PTPRT: variants seen among roughly 807,000 people sequenced by gnomAD.
PTPRT encodes protein tyrosine phosphatase receptor type T.
PTPRT carries 56 observed loss-of-function variants against 176.8 expected under a neutral mutation model. The ratio of observed to expected loss-of-function variants is 0.32; its 90% CI spans 0.26 to 0.40. The LOEUF (loss-of-function observed/expected upper bound fraction) is 0.40, where lower values mean the gene tolerates loss of function less well. PTPRT is among the 10% of genes least tolerant of loss of function. The probability of loss-of-function intolerance (pLI) is 1.00; values close to 1 mark genes in which losing one functional copy is unlikely to be tolerated. For synonymous variants in PTPRT, 783 were observed against 739.0 expected, an observed-to-expected ratio of 1.06 and a Z score of -0.96; for missense variants, 1,540 against 1,908.2, an observed-to-expected ratio of 0.81 and a Z score of 3.60.
chr20:42,708,948 T>C (rs1325070476), intron 6 of PTPRT, among the ~76,000 whole-genome samples: 1 of 152,110 alleles, frequency 6.6e-6, no homozygotes, highest in East Asian at 1.9e-4. Context: ...CCAAATCCCA[T>C]CCATAGCAGA....
intron 9 of PTPRT, among the ~76,000 whole-genome samples, chr20:42,369,669 C>T (rs2058561512): frequency 6.6e-6 from 1 of 152,134 alleles, no homozygotes; most frequent in Non-Finnish European, 1.5e-5. Context: ...AGAAAATCAA[C>T]ACCCAAACAA....
chr20:42,534,449 T>C (rs2072439916), intron 7 of PTPRT, among the ~76,000 whole-genome samples: 1 of 151,876 alleles, frequency 6.6e-6, no homozygotes, highest in African/African-American at 2.4e-5. Context: ...CTGGCTAACA[T>C]GGTGAAACCC....
chr20:42,675,183 G>A (rs960784086), intron 7 of PTPRT, among the ~76,000 whole-genome samples: 1 of 152,142 alleles, frequency 6.6e-6, no homozygotes, highest in Non-Finnish European at 1.5e-5. Flanking sequence ...CTCACAGGCT[G>A]CAACTTCCCT....
Position 42,197,571 on chromosome 20 carries a change from T to C in PTPRT, c.2491+1669A>G, listed in dbSNP as rs1331665039. Among the ~76,000 whole-genome samples, 4 of 151,996 alleles carry C rather than the reference T, an allele frequency of 2.6e-5. No homozygotes were observed. The East Asian group carries it at 7.7e-4, about 29-fold the overall frequency. On this transcript the variant is annotated intron_variant, in intron 16 of 30. Coordinates refer to ENST00000373187, the MANE Select transcript of PTPRT (RefSeq NM_007050.6). ...GGAGGACATTGAGGCAATTTGACTA[T>C]GAACTGGTATATTAGATCACTGAAG...
At chr20:42,087,603 C>T (rs1035281387) in intron 27 of PTPRT, among the ~76,000 whole-genome samples, 18 of 147,708 alleles carry the variant, frequency 1.2e-4, no homozygotes, top group Middle Eastern at 3.4e-3. Flanking sequence ...AGGCTGGGTG[C>T]GGTGGCTTAC....
chr20:43,021,049 C>T (rs1239164524), intron 1 of PTPRT, among the ~76,000 whole-genome samples: 2 of 152,144 alleles, frequency 1.3e-5, no homozygotes, highest in Non-Finnish European at 2.9e-5. Context: ...AACTGCTTAC[C>T]CAGGGTACTA....
At chr20:42,540,033 C>A (rs1319994121) in intron 7 of PTPRT, among the ~76,000 whole-genome samples, 1 of 152,036 alleles carries the variant, frequency 6.6e-6, no homozygotes, top group African/African-American at 2.4e-5. Context: ...ATGAGTATTT[C>A]CAGAGTGAAA....
chr20:42,654,354 T>C (rs994100238), intron 7 of PTPRT, among the ~76,000 whole-genome samples: 28 of 152,076 alleles, frequency 1.8e-4, no homozygotes, highest in Non-Finnish European at 7.4e-5. Context: ...CAAAAAACAC[T>C]GTCCCAGACA....
intron 1 of PTPRT, among the ~76,000 whole-genome samples, chr20:42,949,691 G>T (rs1435659301): frequency 6.6e-6 from 1 of 152,194 alleles, no homozygotes; most frequent in Non-Finnish European, 1.5e-5. Flanking sequence ...TTAAACAGTT[G>T]TTGGTTTACA....
At chr20:42,069,446 T>A (rs1253706778), downstream of PTPRT, among the ~76,000 whole-genome samples, 1 of 152,206 alleles carries the variant, frequency 6.6e-6, no homozygotes, top group African/African-American at 2.4e-5. Context: ...AGTGCCACAT[T>A]TTCAAACCTC....
Position 43,096,069 on chromosome 20 carries a change from C to G in PTPRT, c.88+93577G>C, listed in dbSNP as rs554101606. Among the ~76,000 whole-genome samples the G allele has an allele frequency of 1.9e-3, 175 of 92,662 alleles. 1 individual carries two copies. Among genetic ancestry groups the G allele is most frequent in the African/African-American group, 7.6e-3 (171 of 22,616 alleles). 60.8% of individuals were successfully genotyped at this position (92,662 alleles called of 152,430 possible). A position where few individuals can be genotyped will look rare whatever the true frequency, so the allele number is the denominator to read the frequency against. On this transcript the variant is annotated intron_variant, in intron 1 of 30. Transcript: ENST00000373187. ...CCCCTCCCACCTGCCTCCTCTCTCCCTCTCTCCCTCTCTCCCTTCTCTTTC... is the reference window on the plus strand; with the variant it reads ...CCCCTCCCACCTGCCTCCTCTCTCCGTCTCTCCCTCTCTCCCTTCTCTTTC...
At chr20:43,123,046 G>T (rs2013325118) in intron 1 of PTPRT, among the ~76,000 whole-genome samples, 2 of 152,088 alleles carry the variant, frequency 1.3e-5, no homozygotes, top group Non-Finnish European at 2.9e-5. Context: ...TAGAGATGGG[G>T]TTTCATCATG....
intron 2 of PTPRT, among the ~76,000 whole-genome samples, chr20:42,842,584 A>T (rs11698742): frequency 0.087 from 13,232 of 151,594 alleles, 695 homozygotes; most frequent in Admixed American, 0.15. Context: ...CATGCCCAAC[A>T]AATTTTTGTA....
intron 6 of PTPRT, among the ~76,000 whole-genome samples, chr20:42,754,980 A>G (rs2076810178): frequency 6.6e-6 from 1 of 152,198 alleles, no homozygotes; most frequent in Non-Finnish European, 1.5e-5. Flanking sequence ...CACAGAGCTT[A>G]GATCCTAAAA....
intron 16 of PTPRT, among the ~76,000 whole-genome samples, chr20:42,163,071 T>TG (rs1242956183): frequency 1.3e-5 from 2 of 152,198 alleles, no homozygotes; most frequent in Non-Finnish European, 2.9e-5. Flanking sequence ...TTCACTTATA[T>TG]CTGTGGTTGG....
intron 6 of PTPRT, among the ~76,000 whole-genome samples, chr20:42,733,080 A>C (rs868247509): frequency 1.2e-4 from 19 of 152,178 alleles, no homozygotes; most frequent in Non-Finnish European, 1.8e-4. Flanking sequence ...AAGGTGCTTT[A>C]CTTCCACCCT....
intron 1 of PTPRT, among the ~76,000 whole-genome samples, chr20:42,951,175 G>T (rs1257948683): frequency 6.6e-6 from 1 of 152,140 alleles, no homozygotes; most frequent in Non-Finnish European, 1.5e-5. Flanking sequence ...ATGATAGATG[G>T]ATGGGTAAAC....
At chr20:42,756,731 T>G (rs1336735144) in intron 5 of PTPRT, 95 bp from the exon 6 acceptor site, 5 of 1,132,614 alleles carry the variant, frequency 4.4e-6, no homozygotes, top group Non-Finnish European at 6.1e-6. Context: ...CTCACACCCC[T>G]GGGGCTCAAG....
In PTPRT at chr20:42,618,150, C is replaced by T. The variant is rs1315959160; in HGVS notation, c.1153+59716G>A. ...TTCTGGTATGTCGTGTCTTTGTTCT[C>T]GTTGGTTTCAAAGAACATCTTTATT... On this transcript the variant is annotated intron_variant, in intron 7 of 30. Transcript: ENST00000373187. Among the ~76,000 whole-genome samples the T allele has an allele frequency of 2.0e-4, 27 of 131,832 alleles. 6 individuals carry two copies. Among genetic ancestry groups the T allele is most frequent in the Non-Finnish European group, 3.9e-4 (25 of 63,656 alleles). 86.5% of individuals were successfully genotyped at this position (131,832 alleles called of 152,430 possible).
Sources: gnomAD v4.1 joint callset for allele counts (sites outside exome capture counted in the v4.1 genomes callset) on GRCh38, gnomAD v4.1.1 for gene constraint, MANE v1.5 for transcripts, NCBI Gene and HGNC (gene_info 2026-07-23, HGNC 2026-07-21) for gene names.